The following OXR1 variants were observed in gnomAD, a reference collection of about 807,000 sequenced individuals.
OXR1 encodes oxidation resistance 1.
In OXR1, 41 loss-of-function variants were observed where a neutral mutation model predicts 104.6. The ratio of observed to expected loss-of-function variants is 0.39; its 90% CI spans 0.31 to 0.51. OXR1 has a LOEUF of 0.51. OXR1 is among the 20% of genes least tolerant of loss of function. The pLI is 0.77. For synonymous variants in OXR1, 348 were observed against 348.4 expected (o/e 1.00, Z 0.01); for missense variants, 955 against 1,031.9 (o/e 0.93, Z 1.02).
At chr8:106,457,819 C>T (rs1446789854) in intron 2 of OXR1, among the ~76,000 whole-genome samples, 1 of 152,118 alleles carries the variant, frequency 6.6e-6, no homozygotes, top group Non-Finnish European at 1.5e-5. Context: ...AAGAAGTTGG[C>T]TGAATTGTGT....
chr8:106,278,842 A>G (rs1035469682), intron 1 of OXR1, among the ~76,000 whole-genome samples: 1 of 152,200 alleles, frequency 6.6e-6, no homozygotes, highest in African/African-American at 2.4e-5. Context: ...AAATGGGAAA[A>G]TAAAATCACA....
At chr8:106,686,676 T>A (rs1175315267) in intron 6 of OXR1, among the ~76,000 whole-genome samples, 1 of 152,200 alleles carries the variant, frequency 6.6e-6, no homozygotes, top group African/African-American at 2.4e-5. Context: ...ATTGTCAGTT[T>A]ATATTACCAG....
intron 1 of OXR1, among the ~76,000 whole-genome samples, chr8:106,328,567 C>T (rs946388165): frequency 1.3e-5 from 2 of 152,126 alleles, no homozygotes; most frequent in African/African-American, 2.4e-5. Flanking sequence ...GTAAGGCTAC[C>T]GTGCTGGAAG....
chr8:106,471,427 A>G (rs1821488156), intron 2 of OXR1, among the ~76,000 whole-genome samples: 1 of 151,736 alleles, frequency 6.6e-6, no homozygotes, highest in Non-Finnish European at 1.5e-5. Context: ...AGCAGGCAAG[A>G]TGGTTGTACT....
intron 1 of OXR1, among the ~76,000 whole-genome samples, chr8:106,355,931 CAG>C (rs1354819182): frequency 5.9e-5 from 9 of 152,072 alleles, no homozygotes; most frequent in South Asian, 2.1e-4. Flanking sequence ...ATGCATCAGA[CAG>C]AGTTAAACAG....
At chr8:106,568,132 T>C (rs1381839) in intron 3 of OXR1, among the ~76,000 whole-genome samples, 140,127 of 152,108 alleles carry the variant, frequency 0.92, 64,603 homozygotes, top group East Asian at 1. Context: ...TCTGCACTAC[T>C]GATCAAGTAA....
At chr8:106,406,638 G>A (rs1818247195) in intron 2 of OXR1, among the ~76,000 whole-genome samples, 3 of 152,138 alleles carry the variant, frequency 2.0e-5, no homozygotes, top group Non-Finnish European at 4.4e-5. Context: ...TGACACTCTG[G>A]AGAAGGCAAA....
rs539608391 is a variant in OXR1 at position 106,366,877 on chromosome 8, G to GA, written c.23+7251dup. Among the ~76,000 whole-genome samples the GA allele has an allele frequency of 1.2e-3, 167 of 143,788 alleles. 1 individual carries two copies. Among genetic ancestry groups the GA allele is most frequent in the Non-Finnish European group, 2.0e-3 (133 of 65,374 alleles). The allele number at this position is 143,788 out of a possible 152,430, so 94.3% of individuals were successfully genotyped here. A position where few individuals can be genotyped will look rare whatever the true frequency, so the allele number is the denominator to read the frequency against. On this transcript the variant is annotated intron_variant, in intron 2 of 16. Coordinates refer to ENST00000517566, the MANE Select transcript of OXR1 (RefSeq NM_001198533.2). ...ATTAAGAGAAAATAACTGAGGAAGA[G>GA]AAAAAAAAAAGAATAGATACATTCT...
At chr8:106,389,678 C>A (rs1817518458) in intron 2 of OXR1, among the ~76,000 whole-genome samples, 2 of 152,142 alleles carry the variant, frequency 1.3e-5, no homozygotes, top group Admixed American at 6.6e-5. Context: ...ACTGATATTT[C>A]ATATTTGATG....
At chr8:106,684,433 C>A in intron 6 of OXR1, 74 bp downstream of exon 6, 1 of 756,892 alleles carries the variant, frequency 1.3e-6, no homozygotes, top group Non-Finnish European at 2.3e-6. Flanking sequence ...TTGTTTTTTA[C>A]ATTCCATTTT....
At chr8:106,412,339 A>T (rs6996540) in intron 2 of OXR1, among the ~76,000 whole-genome samples, 57,397 of 151,978 alleles carry the variant, frequency 0.38, 12,179 homozygotes, top group East Asian at 0.7. Flanking sequence ...TAGGATGGGG[A>T]AATTGTGTCT....
chr8:106,416,755 TC>T (rs1818696897), intron 2 of OXR1, among the ~76,000 whole-genome samples: 1 of 152,064 alleles, frequency 6.6e-6, no homozygotes, highest in Non-Finnish European at 1.5e-5. Flanking sequence ...TGGCCAATGC[TC>T]CCTTGAAAGC....
chr8:106,657,585 C>T (rs1231455466), intron 3 of OXR1: 2 of 147,398 alleles, frequency 1.4e-5, no homozygotes, highest in African/African-American at 2.5e-5. Context: ...AGGGGCTGGG[C>T]GGGCCAGGCC....
intron 14 of OXR1, among the ~76,000 whole-genome samples, 154 bp from the exon 15 acceptor site, chr8:106,742,068 T>C (rs920864811): frequency 6.6e-6 from 1 of 152,228 alleles, no homozygotes; most frequent in African/African-American, 2.4e-5. Flanking sequence ...GTAAATTATA[T>C]AGCAGCTAAC....
At position 106,375,019 on chromosome 8, in the gene OXR1, G is replaced by A. The variant is rs544830636; in HGVS notation, c.23+15383G>A. On this transcript the variant is annotated intron_variant, in intron 2 of 16. Coordinates refer to ENST00000517566, the MANE Select transcript of OXR1 (RefSeq NM_001198533.2). ...TGATTTTAGATTACTGATACAAAGT[G>A]CTTTCATGACTATGACAAAATAAAT... 2.3e-4 allele frequency among the ~76,000 whole-genome samples: 35 copies of A among 152,292 alleles called. No individual in the cohort carries two copies. The South Asian group carries it at 7.3e-3, about 32-fold the overall frequency.
At chr8:106,348,579 A>G (rs764200175) in intron 1 of OXR1, among the ~76,000 whole-genome samples, 1 of 152,138 alleles carries the variant, frequency 6.6e-6, no homozygotes, top group Non-Finnish European at 1.5e-5. Context: ...TTAATGACTC[A>G]TTAAAATTGA....
chr8:106,615,381 A>G (rs1368630054), intron 3 of OXR1, among the ~76,000 whole-genome samples: 1 of 151,928 alleles, frequency 6.6e-6, no homozygotes, highest in African/African-American at 2.4e-5. Context: ...GCAGTGAGCC[A>G]AGATTGCGCC....
At chr8:106,462,072 CTTACAGACTGGTTT>C (rs1467411803) in intron 2 of OXR1, among the ~76,000 whole-genome samples, 3 of 151,998 alleles carry the variant, frequency 2.0e-5, no homozygotes, top group African/African-American at 7.2e-5. Flanking sequence ...GATGGGTGAC[CTTACAGACTGGTTT>C]TTGTTGGTTT....
chr8:106,646,298 G>T (rs900238777), intron 3 of OXR1, among the ~76,000 whole-genome samples: 2 of 151,314 alleles, frequency 1.3e-5, no homozygotes, highest in Admixed American at 6.6e-5. Flanking sequence ...GTAGAGATTG[G>T]TTTTCGCTAT....
Sources: allele counts gnomAD v4.1 joint callset (sites outside exome capture counted in the v4.1 genomes callset), GRCh38; gene constraint gnomAD v4.1.1; transcripts MANE v1.5; gene names NCBI Gene and HGNC (gene_info 2026-07-23, HGNC 2026-07-21).